SNX25: variants seen among roughly 807,000 people sequenced by gnomAD.
SNX25 encodes the protein sorting nexin 25, also known as sorting nexin-25.
Under a neutral mutation model 113.7 loss-of-function variants are expected in SNX25, and 62 were observed. The ratio of observed to expected loss-of-function variants is 0.55; its 90% CI spans 0.44 to 0.67. The LOEUF is 0.67. Among genes scored for constraint, SNX25 ranks in the 30% least tolerant of loss-of-function variants. The pLI is 0.00. For synonymous variants in SNX25, 421 were observed against 436.2 expected (o/e 0.97, Z 0.43); for missense variants, 1,014 against 1,161.0 (o/e 0.87, Z 1.84).
the SNX25 span, chr4:185,375,487 A>AAAAAT: frequency 1.7e-4 from 2 of 12,016 alleles, no homozygotes; most frequent in African/African-American, 5.8e-4. Context: ...AAAAAAAAAA[A>AAAAAT]ATATATATAT....
chr4:185,240,376 G>T (rs993405116), intron 1 of SNX25, among the ~76,000 whole-genome samples: 1 of 151,430 alleles, frequency 6.6e-6, no homozygotes. Flanking sequence ...CCCGGACGGG[G>T]CGGCTGGCCG....
chr4:185,298,405 T>C (rs1294882744), intron 6 of SNX25, among the ~76,000 whole-genome samples: 1 of 152,138 alleles, frequency 6.6e-6, no homozygotes, highest in African/African-American at 2.4e-5. Context: ...AACTTCTTAA[T>C]TGGCCTCCTA....
At chr4:185,290,960 C>T (rs1282733266) in intron 6 of SNX25, among the ~76,000 whole-genome samples, 1 of 152,140 alleles carries the variant, frequency 6.6e-6, no homozygotes, top group African/African-American at 2.4e-5. Context: ...CATGGGTTTA[C>T]AGAAAGAACA....
intron 11 of SNX25, among the ~76,000 whole-genome samples, chr4:185,339,971 T>C (rs956998562): frequency 2.6e-5 from 4 of 152,164 alleles, no homozygotes; most frequent in Non-Finnish European, 5.9e-5. Context: ...TTGAGGGATA[T>C]GAGATAAGAG....
At chr4:185,254,760 A>C (rs148144479) in intron 2 of SNX25, among the ~76,000 whole-genome samples, 1 of 151,990 alleles carries the variant, frequency 6.6e-6, no homozygotes, top group Non-Finnish European at 1.5e-5. Flanking sequence ...CTTTTTACCT[A>C]CTCATTTCTT....
In SNX25 at chr4:185,332,046, T is replaced by C. The variant is rs115769128; in HGVS notation, c.1750-549T>C. Among the ~76,000 whole-genome samples the C allele has an allele frequency of 5.9e-3, 904 of 152,352 alleles. 12 individuals carry two copies. The highest frequency in any genetic ancestry group is 0.019 in the African/African-American group (809 of 41,578). ...ACTTTTCCAAGTTACAGAGTTCTTA[T>C]GAATATTAAGTCACTTTCAAATGCT... On this transcript the variant is annotated intron_variant, in intron 9 of 18. Coordinates refer to ENST00000652585, the MANE Select transcript of SNX25 (RefSeq NM_001378034.2).
downstream of SNX25, among the ~76,000 whole-genome samples, chr4:185,374,632 G>C (rs1047748903): frequency 6.6e-6 from 1 of 152,178 alleles, no homozygotes; most frequent in Non-Finnish European, 1.5e-5. Flanking sequence ...GCGATAAGGA[G>C]GAAAAGAATC....
At chr4:185,241,930 C>A (rs1310086377) in intron 1 of SNX25, among the ~76,000 whole-genome samples, 1 of 151,982 alleles carries the variant, frequency 6.6e-6, no homozygotes, top group East Asian at 1.9e-4. Flanking sequence ...AGAATGAAGA[C>A]AATTATTGTT....
chr4:185,373,159 CTG>C (rs533862804), downstream of SNX25: 626 of 1,295,956 alleles, frequency 4.8e-4, 10 homozygotes, highest in South Asian at 7.0e-3. Flanking sequence ...GAAAAGAACT[CTG>C]TGTTTCCTAG....
chr4:185,247,494 T>C (rs892933603), intron 2 of SNX25, 116 bp downstream of exon 2: 15 of 796,184 alleles, frequency 1.9e-5, no homozygotes, highest in African/African-American at 3.5e-5. Flanking sequence ...TGTTAGGAAT[T>C]TTTTCTTCAT....
At chr4:185,374,874 G>A (rs941522038), downstream of SNX25, among the ~76,000 whole-genome samples, 2 of 152,006 alleles carry the variant, frequency 1.3e-5, no homozygotes, top group African/African-American at 4.8e-5. Flanking sequence ...ATACACTTGC[G>A]AGCCCCTAAC....
intron 5 of SNX25, among the ~76,000 whole-genome samples, chr4:185,280,904 A>G (rs1441821949): frequency 6.6e-6 from 1 of 152,174 alleles, no homozygotes; most frequent in African/African-American, 2.4e-5. Context: ...GACTCAGTAT[A>G]TCTATCTTGC....
At chr4:185,298,369 A>G (rs1031651309) in intron 6 of SNX25, among the ~76,000 whole-genome samples, 4 of 152,144 alleles carry the variant, frequency 2.6e-5, no homozygotes, top group Non-Finnish European at 5.9e-5. Flanking sequence ...GATTACAGGC[A>G]TGAGCCACCA....
At chr4:185,264,997 T>C (rs574747310) in intron 4 of SNX25, among the ~76,000 whole-genome samples, 108 of 125,888 alleles carry the variant, frequency 8.6e-4, no homozygotes, top group African/African-American at 2.8e-3. Flanking sequence ...TTCAAATTCT[T>C]TTTTTTTTCT....
At chr4:185,292,753 C>T (rs376712564) in intron 6 of SNX25, among the ~76,000 whole-genome samples, 24 of 152,044 alleles carry the variant, frequency 1.6e-4, no homozygotes, top group African/African-American at 5.8e-4. Flanking sequence ...GACCTTGTCT[C>T]TACAAAAAAA....
At chr4:185,244,725 A>G (rs965169959) in intron 1 of SNX25, among the ~76,000 whole-genome samples, 2 of 152,190 alleles carry the variant, frequency 1.3e-5, no homozygotes, top group African/African-American at 4.8e-5. Context: ...AATGCTATAT[A>G]TTAATTTGAG....
chr4:185,282,721 G>A (rs183691988), intron 5 of SNX25, among the ~76,000 whole-genome samples: 2 of 152,300 alleles, frequency 1.3e-5, no homozygotes, highest in Non-Finnish European at 2.9e-5. Context: ...CTGAATTCTT[G>A]TTATGCCCCT....
At chr4:185,376,539 C>T in the SNX25 span, among the ~76,000 whole-genome samples, 3 of 151,686 alleles carry the variant, frequency 2.0e-5, no homozygotes, top group Non-Finnish European at 4.4e-5. Context: ...GGTGATCCAC[C>T]TGCCTCGGCC....
intron 1 of SNX25, among the ~76,000 whole-genome samples, chr4:185,221,419 C>T (rs1739826421): frequency 6.6e-6 from 1 of 152,094 alleles, no homozygotes; most frequent in South Asian, 2.1e-4. Flanking sequence ...AAGCCATCCT[C>T]CCACCGTGGC....
Sources: allele counts gnomAD v4.1 joint callset (sites outside exome capture counted in the v4.1 genomes callset), GRCh38; gene constraint gnomAD v4.1.1; transcripts MANE v1.5; gene names NCBI Gene and HGNC (gene_info 2026-07-23, HGNC 2026-07-21).